CEP250: variants seen among roughly 807,000 people sequenced by gnomAD.
The protein encoded by CEP250 is centrosomal protein 250.
In CEP250, 242 loss-of-function variants were observed where a neutral mutation model predicts 315.7. That is an observed-to-expected ratio of 0.77 (90% CI 0.69 to 0.85). The LOEUF is 0.85. Among genes scored for constraint, CEP250 ranks in the 40% least tolerant of loss-of-function variants. CEP250 has a pLI of 0.00. For missense variants in CEP250, 2,515 were observed against 2,886.4 expected (o/e 0.87, Z 2.95); for synonymous variants, 1,088 against 1,175.0 (o/e 0.93, Z 1.51).
Position 35,518,145 on chromosome 20 carries a change from T to C in CEP250, c.*6519T>C, listed in dbSNP as rs1287711672. On this transcript the variant is annotated 3_prime_UTR_variant, in exon 35 of 35. Transcript: ENST00000397527. ...AGAGGCAGCGGGTTTTGTTTTTTTTTTAACTATGTTTTTCTACTGGCTCAC... is the reference window on the plus strand; with the variant it reads ...AGAGGCAGCGGGTTTTGTTTTTTTTCTAACTATGTTTTTCTACTGGCTCAC... 1.3e-5 allele frequency: 2 copies of C among 151,630 alleles called. No homozygotes were observed. The highest frequency in any genetic ancestry group is 2.9e-5 in the Non-Finnish European group (2 of 67,870). 9.4% of individuals were successfully genotyped at this position (151,630 alleles called of 1,614,324 possible). A position where few individuals can be genotyped will look rare whatever the true frequency, so the allele number is the denominator to read the frequency against.
chr20:35,471,129 C>T (rs1414955489), intron 10 of CEP250, among the ~76,000 whole-genome samples: 1 of 151,972 alleles, frequency 6.6e-6, no homozygotes, highest in Non-Finnish European at 1.5e-5. Context: ...CAGGAACTTG[C>T]CAATTCAGAA....
chr20:35,508,894 C>T, intron 32 of CEP250, 49 bp from the exon 33 acceptor site: 1 of 1,475,166 alleles, frequency 6.8e-7, no homozygotes, highest in Admixed American at 2.0e-5. Flanking sequence ...AGCTCTGCTC[C>T]AACCACAGAG....
chr20:35,477,970 G>A lies in CEP250; in HGVS notation c.1963G>A (p.Glu655Lys), dbSNP rs148325271. Residue 655 changes from glutamate to lysine, a missense_variant, in exon 17 of 35, where the codon GAA (glutamate) becomes AAA (lysine). Transcript: ENST00000397527. ...VDLAEAEKRR[E>K]ALWEKNTHLE... ...CCTGGCGGAGGCAGAGAAGAGGAGG[G>A]AAGCCCTGTGGGAAAAGAACACTCA... 1.2e-6 allele frequency: 2 copies of A among 1,613,560 alleles called. No homozygotes were observed. The highest frequency in any genetic ancestry group is 1.7e-6 in the Non-Finnish European group (2 of 1,179,824).
intron 7 of CEP250, 124 bp from the exon 8 acceptor site, chr20:35,466,842 T>C: frequency 3.1e-6 from 2 of 651,532 alleles, no homozygotes; most frequent in Non-Finnish European, 5.6e-6. Context: ...AGATACCCAT[T>C]CATAAACTAT....
At position 35,503,651 on chromosome 20, in the gene CEP250, G is replaced by A. The variant is rs778898436; in HGVS notation, c.5282G>A (p.Gly1761Asp). The change falls in exon 30 of 35, where the codon GGC (glycine) becomes GAC (aspartate). Residue 1761 changes from glycine (G) to aspartate (D), a missense_variant. Gly to Asp is a moderately conservative substitution (Grantham distance 94, BLOSUM62 -1). Transcript: ENST00000397527. This position sits in a 1 kb window ranked among gnomAD's most constrained non-coding sequence, Gnocchi z 4.2. ...LKDQLEQQLQ[G>D]LHRKVGETSL... ...GACCAGCTGGAGCAGCAGCTCCAGGGCCTGCACAGGAAGGTAGGTGAGACC... is the reference window on the plus strand; with the variant it reads ...GACCAGCTGGAGCAGCAGCTCCAGGACCTGCACAGGAAGGTAGGTGAGACC... 6 of 1,613,982 alleles carry A rather than the reference G, an allele frequency of 3.7e-6. No homozygotes were observed. The African/African-American group carries it at 4.0e-5, about 11-fold the overall frequency.
intron 28 of CEP250, among the ~76,000 whole-genome samples, chr20:35,500,413 A>C (rs2063969795): frequency 6.6e-6 from 1 of 152,066 alleles, no homozygotes; most frequent in African/African-American, 2.4e-5. Flanking sequence ...TTGGATTTTT[A>C]ATAAAGACGG....
intron 34 of CEP250, among the ~76,000 whole-genome samples, chr20:35,510,557 C>T (rs1480111791): frequency 6.6e-6 from 1 of 152,264 alleles, no homozygotes; most frequent in Non-Finnish European, 1.5e-5. Flanking sequence ...CTCTCCCTTT[C>T]AAGTTGCAGG....
chr20:35,477,937 C>G lies in CEP250; in HGVS notation c.1930C>G (p.Gln644Glu), dbSNP rs1261664856. ...CGCAGAGCAGGCGAGAAATGCTTTGCAGGTCGACCTGGCGGAGGCAGAGAA... is the reference window on the plus strand; with the variant it reads ...CGCAGAGCAGGCGAGAAATGCTTTGGAGGTCGACCTGGCGGAGGCAGAGAA... ...EAAEQARNAL[Q>E]VDLAEAEKRR... is the part of the protein sequence containing the mutation. The change falls in exon 17 of 35, where the codon CAG becomes GAG. Residue 644 changes from glutamine (Q) to glutamate (E), a missense_variant. Coordinates refer to ENST00000397527, the MANE Select transcript of CEP250 (RefSeq NM_007186.6). 1.2e-6 allele frequency: 2 copies of G among 1,609,448 alleles called. No individual in the cohort carries two copies. The highest frequency in any genetic ancestry group is 1.7e-6 in the Non-Finnish European group (2 of 1,178,134).
Position 35,502,962 on chromosome 20 carries a change from T to A in CEP250, c.4593T>A (p.Leu1531=). Residue 1531 remains leucine (L), a synonymous_variant, in exon 30 of 35, where the codon CTT becomes CTA. Coordinates refer to ENST00000397527, the MANE Select transcript of CEP250 (RefSeq NM_007186.6). ...TCTTGGAGCATCAGCTTCTAGAACT[T>A]GAGAAGAAAGACCAAATGATTGAGT... The part of the protein sequence containing the change: ...RNVLEHQLLE[L]EKKDQMIESQ... 6.2e-7 allele frequency: 1 copy of A among 1,613,932 alleles called. No individual in the cohort carries two copies. The highest frequency in any genetic ancestry group is 8.5e-7 in the Non-Finnish European group (1 of 1,179,902).
chr20:35,471,949 G>A lies in CEP250; in HGVS notation c.949-101G>A. Reference sequence around the variant, plus strand: ...ATATGGTCAGGGAAAAAGTGGGGCTGATAGAATAGACAGAATGAGACTTTG... The same window carrying A: ...ATATGGTCAGGGAAAAAGTGGGGCTAATAGAATAGACAGAATGAGACTTTG... On this transcript the variant is annotated intron_variant, in intron 10 of 34. Transcript: ENST00000397527. The A allele has an allele frequency of 4.1e-6, 3 of 726,030 alleles. No homozygotes were observed. In the South Asian group the frequency reaches 4.8e-5, roughly 12 times the overall value. 45.0% of individuals were successfully genotyped at this position (726,030 alleles called of 1,614,324 possible).
At chr20:35,497,692 A>G (rs1336967856) in intron 25 of CEP250, 27 bp from the exon 26 acceptor site, 1 of 1,490,156 alleles carries the variant, frequency 6.7e-7, no homozygotes, top group African/African-American at 1.4e-5. Context: ...CTTCCTGCTT[A>G]TATTATGTAA....
At chr20:35,471,829 GT>G (rs1568769340) in intron 10 of CEP250, among the ~76,000 whole-genome samples, 1 of 152,204 alleles carries the variant, frequency 6.6e-6, no homozygotes, top group Non-Finnish European at 1.5e-5. Context: ...ATTCTAATCT[GT>G]GAAGTCCAAT....
chr20:35,485,373 CAAAAAAAAA>C (rs896722122), intron 20 of CEP250, among the ~76,000 whole-genome samples: 2 of 79,618 alleles, frequency 2.5e-5, no homozygotes, highest in African/African-American at 8.4e-5. Flanking sequence ...GACTCTGTCT[CAAAAAAAAA>C]AAAAAAAAGT....
Position 35,472,078 on chromosome 20 carries a change from A to C in CEP250, c.977A>C (p.His326Pro). ...LETNHTELMEHEASLSRNAQE... is the reference protein window; with the variant it reads ...LETNHTELMEPEASLSRNAQE... ...ACAAATCACACAGAATTAATGGAAC[A>C]TGAAGCATCTCTTAGTAGGAATGCG... Residue 326 changes from histidine to proline, a missense_variant, in exon 11 of 35, where the codon CAT (histidine) becomes CCT (proline). Physicochemically the swap from His to Pro is moderately conservative, Grantham distance 77. Transcript: ENST00000397527. 6.2e-7 allele frequency: 1 copy of C among 1,612,392 alleles called. No homozygotes were observed. The highest frequency in any genetic ancestry group is 8.5e-7 in the Non-Finnish European group (1 of 1,178,368).
Position 35,504,838 on chromosome 20 carries a change from G to A in CEP250, c.6469G>A (p.Ala2157Thr). 1.9e-6 allele frequency: 3 copies of A among 1,614,236 alleles called. No individual in the cohort carries two copies. Among genetic ancestry groups the A allele is most frequent in the Non-Finnish European group, 2.5e-6 (3 of 1,180,040 alleles). The change falls in exon 30 of 35, where the codon GCA becomes ACA. Residue 2157 changes from alanine (A) to threonine (T), a missense_variant. By Grantham distance (58) the Ala-to-Thr change is moderately conservative. Transcript: ENST00000397527. ...RLQRELERLQ[A>T]ALRQTEAREI... Reference sequence around the variant, plus strand: ...GCAGCGGGAGCTGGAGCGGCTACAGGCAGCCCTGAGACAGACAGAAGCCAG... The same window carrying A: ...GCAGCGGGAGCTGGAGCGGCTACAGACAGCCCTGAGACAGACAGAAGCCAG...
At chr20:35,491,437 G>C in intron 22 of CEP250, 91 bp downstream of exon 22, 1 of 1,372,042 alleles carries the variant, frequency 7.3e-7, no homozygotes, top group South Asian at 1.3e-5. Flanking sequence ...TTATGTGCCA[G>C]GCCCTGTGCT....
Position 35,503,144 on chromosome 20 carries a change from A to G in CEP250, c.4775A>G (p.His1592Arg). Residue 1592 changes from histidine (H) to arginine (R), a missense_variant, in exon 30 of 35, where the codon CAC becomes CGC. Transcript: ENST00000397527. The surrounding 1 kb of genome is among the most constrained non-coding windows in gnomAD (Gnocchi z 4.2). ...GAAACCCAGAGAGTGGCTTTGACCC[A>G]CCTTACGCTGGACCTAGAAGAAAGG... ...QRETQRVALT[H>R]LTLDLEERSQ... The G allele has an allele frequency of 6.2e-7, 1 of 1,614,068 alleles. No homozygotes were observed.
chr20:35,501,605 T>C (rs2064004881), intron 28 of CEP250, among the ~76,000 whole-genome samples: 1 of 152,052 alleles, frequency 6.6e-6, no homozygotes, highest in South Asian at 2.1e-4. Context: ...ATTGGGATGA[T>C]TACCAGGCAG....
rs1400041490 is a variant in CEP250 at position 35,504,713 on chromosome 20, A to C, written c.6344A>C (p.Glu2115Ala). Reference protein sequence around the residue: ...QKEQEILELRETQQRNNLEAL... With the variant: ...QKEQEILELRATQQRNNLEAL... ...GAACAGGAGATTCTGGAGCTGAGGG[A>C]GACCCAGCAAAGGAACAACCTGGAA... is the stretch of plus-strand genomic sequence containing the variant. The change falls in exon 30 of 35, where the codon GAG becomes GCG. Residue 2115 changes from glutamate (E) to alanine (A), a missense_variant. Physicochemically the swap from Glu to Ala is moderately radical, Grantham distance 107. Coordinates refer to ENST00000397527, the MANE Select transcript of CEP250 (RefSeq NM_007186.6). 6.2e-7 allele frequency: 1 copy of C among 1,614,212 alleles called. No homozygotes were observed. Among genetic ancestry groups the C allele is most frequent in the Non-Finnish European group, 8.5e-7 (1 of 1,180,040 alleles).
Sources: allele counts gnomAD v4.1 joint callset (sites outside exome capture counted in the v4.1 genomes callset), GRCh38; gene constraint gnomAD v4.1.1; non-coding constraint Gnocchi (gnomAD v3.1); transcripts MANE v1.5; gene names NCBI Gene and HGNC (gene_info 2026-07-23, HGNC 2026-07-21).